The following PWWP2A variants were observed in gnomAD, a reference collection of about 807,000 sequenced individuals.
PWWP2A encodes PWWP domain containing 2A.
In PWWP2A, 18 loss-of-function variants were observed where a neutral mutation model predicts 48.5. The observed-to-expected ratio is 0.37, with a 90% CI of 0.26 to 0.55. PWWP2A has a LOEUF of 0.55. PWWP2A is among the 20% of genes least tolerant of loss of function. The probability of loss-of-function intolerance (pLI) is 0.81; values close to 1 mark genes in which losing one functional copy is unlikely to be tolerated. For synonymous variants in PWWP2A, 396 were observed against 387.7 expected (o/e 1.02, Z -0.25); for missense variants, 867 against 976.4 (o/e 0.89, Z 1.49).
At chr5:160,110,693 C>T (rs192889933) in intron 1 of PWWP2A, among the ~76,000 whole-genome samples, 15 of 151,120 alleles carry the variant, frequency 9.9e-5, no homozygotes, top group Middle Eastern at 3.5e-3. Flanking sequence ...GCAACAAGAG[C>T]GAAACTCCAC....
chr5:160,045,454 CCACACACACACACACACACACACA>C, the PWWP2A span, among the ~76,000 whole-genome samples: 493 of 38,902 alleles, frequency 0.013, 19 homozygotes, highest in African/African-American at 0.047. Flanking sequence ...CCCCCACCCT[CCACACACACACACACACACACACA>C]CACACACACA....
At position 160,091,717 on chromosome 5, in the gene PWWP2A, C is replaced by A. The variant is rs1480189278; in HGVS notation, c.*665G>T. 1.0e-6 allele frequency: 1 copy of A among 985,040 alleles called. No homozygotes were observed. Among genetic ancestry groups the A allele is most frequent in the Non-Finnish European group, 1.2e-6 (1 of 829,806 alleles). The allele number at this position is 985,040 out of a possible 1,614,324, so 61.0% of individuals were successfully genotyped here. A position where few individuals can be genotyped will look rare whatever the true frequency, so the allele number is the denominator to read the frequency against. Reference sequence around the variant, plus strand: ...AAAGACAGTGATGACTAACACCTATCCAGTCTTGACAGTTTTAATCCCAAA... The same window carrying A: ...AAAGACAGTGATGACTAACACCTATACAGTCTTGACAGTTTTAATCCCAAA... On this transcript the variant is annotated 3_prime_UTR_variant, in exon 2 of 2. Coordinates refer to ENST00000307063, the MANE Select transcript of PWWP2A (RefSeq NM_001130864.2).
chr5:160,080,833 T>A (rs1754175576), intron 2 of PWWP2A: 14 of 1,436,660 alleles, frequency 9.7e-6, no homozygotes, highest in Middle Eastern at 3.6e-4. Flanking sequence ...CCATCCATTT[T>A]ACCAAAAAAA....
Position 160,093,713 on chromosome 5 carries a change from T to C in PWWP2A, c.937A>G (p.Ile313Val), listed in dbSNP as rs766525335. The change falls in exon 2 of 2, where the codon ATT becomes GTT. Residue 313 changes from isoleucine to valine, a missense_variant. This residue lies in a region of PWWP2A where 382 missense variants were observed against 407.2 expected (regional missense o/e 0.94). Coordinates refer to ENST00000307063, the MANE Select transcript of PWWP2A (RefSeq NM_001130864.2). The surrounding 1 kb of genome is among the most constrained non-coding windows in gnomAD (Gnocchi z 5.8). ...AGAACTTGCCTGGGTCGTAGTTTAA[T>C]AGCATTCATTATTGAAGTGGGTTCT... ...REEPTSIMNA[I>V]KLRPRQVLCD... 3 of 1,614,094 alleles carry C rather than the reference T, an allele frequency of 1.9e-6. No individual in the cohort carries two copies. The South Asian group carries it at 3.3e-5, about 18-fold the overall frequency.
chr5:160,116,094 T>A (rs1284116026), intron 1 of PWWP2A, among the ~76,000 whole-genome samples: 1 of 152,170 alleles, frequency 6.6e-6, no homozygotes, highest in Non-Finnish European at 1.5e-5. Flanking sequence ...CAGGGTCTCA[T>A]TCTGTCACCC....
intron 1 of PWWP2A, among the ~76,000 whole-genome samples, chr5:160,104,262 G>C (rs1160300847): frequency 6.6e-6 from 1 of 151,896 alleles, no homozygotes; most frequent in Non-Finnish European, 1.5e-5. Flanking sequence ...CACACAGGGA[G>C]ACCCTGCCTC....
intron 2 of PWWP2A, among the ~76,000 whole-genome samples, chr5:160,085,473 C>T (rs1317924906): frequency 6.6e-6 from 1 of 150,826 alleles, no homozygotes; most frequent in African/African-American, 2.4e-5. Flanking sequence ...ACTCAGATTT[C>T]CAAGTCAGTA....
the PWWP2A span, among the ~76,000 whole-genome samples, chr5:160,048,328 T>G: frequency 2.6e-5 from 4 of 151,946 alleles, no homozygotes; most frequent in South Asian, 2.1e-4. Flanking sequence ...ATTTTTGTAT[T>G]TTTAGTAGTG....
chr5:160,045,558 T>TCTCTCC, the PWWP2A span, among the ~76,000 whole-genome samples: 1 of 63,594 alleles, frequency 1.6e-5, no homozygotes, highest in African/African-American at 6.3e-5. Flanking sequence ...TCTCTCCCCC[T>TCTCTCC]CCCCTCTCTC....
chr5:160,081,888 T>C (rs1464533996), intron 2 of PWWP2A, among the ~76,000 whole-genome samples: 4 of 152,218 alleles, frequency 2.6e-5, no homozygotes, highest in Admixed American at 1.3e-4. Context: ...GTCTTTATAA[T>C]TGTTTTTTTA....
downstream of PWWP2A, chr5:160,090,082 A>T: frequency 1.0e-6 from 1 of 985,396 alleles, no homozygotes. Context: ...CGAAGGGGTC[A>T]TTTGGCATAT....
Position 160,092,220 on chromosome 5 carries a change from C to A in PWWP2A, c.*162G>T. ...AATTTGATTATATGTTCAGTTTAAG[C>A]TCTCAGTCTAAAAATGGCTATAAGG... On this transcript the variant is annotated 3_prime_UTR_variant, in exon 2 of 2. Coordinates refer to ENST00000307063, the MANE Select transcript of PWWP2A (RefSeq NM_001130864.2). 7.3e-7 allele frequency: 1 copy of A among 1,368,388 alleles called. No homozygotes were observed. The highest frequency in any genetic ancestry group is 9.4e-7 in the Non-Finnish European group (1 of 1,063,366). The allele number at this position is 1,368,388 out of a possible 1,614,324, so 84.8% of individuals were successfully genotyped here. A position where few individuals can be genotyped will look rare whatever the true frequency, so the allele number is the denominator to read the frequency against.
At chr5:160,049,640 A>G in the PWWP2A span, 12 of 1,586,886 alleles carry the variant, frequency 7.6e-6, no homozygotes, top group Admixed American at 3.8e-5. Flanking sequence ...CCATCAATAC[A>G]TCAAGCAAGA....
Position 160,092,327 on chromosome 5 carries a change from A to G in PWWP2A, c.*55T>C. 1 of 1,472,198 alleles carries G rather than the reference A, an allele frequency of 6.8e-7. No individual in the cohort carries two copies. The highest frequency in any genetic ancestry group is 1.4e-5 in the South Asian group (1 of 70,234). 91.2% of individuals were successfully genotyped at this position (1,472,198 alleles called of 1,614,324 possible). A position where few individuals can be genotyped will look rare whatever the true frequency, so the allele number is the denominator to read the frequency against. On this transcript the variant is annotated 3_prime_UTR_variant, in exon 2 of 2. Coordinates refer to ENST00000307063, the MANE Select transcript of PWWP2A (RefSeq NM_001130864.2). The stretch of plus-strand genomic sequence containing the variant: ...TATTTTGTAGAAATTATTCCTAACT[A>G]GACTAGAAAATCTGTGGTGACTTCC...
At chr5:160,104,043 G>C (rs1186970290) in intron 1 of PWWP2A, among the ~76,000 whole-genome samples, 1 of 146,240 alleles carries the variant, frequency 6.8e-6, no homozygotes, top group Admixed American at 7.1e-5. Flanking sequence ...GTAATGGCGT[G>C]AACCTGGGAG....
chr5:160,111,815 A>G (rs1159022283), intron 1 of PWWP2A, among the ~76,000 whole-genome samples: 3 of 152,188 alleles, frequency 2.0e-5, no homozygotes, highest in Non-Finnish European at 4.4e-5. Context: ...GACGTTGCTA[A>G]TGAGCTCAGA....
chr5:160,057,311 A>C (rs756740951), downstream of PWWP2A, among the ~76,000 whole-genome samples: 12 of 152,214 alleles, frequency 7.9e-5, no homozygotes, highest in Non-Finnish European at 1.3e-4. The surrounding 1 kb of genome is among the most constrained non-coding windows in gnomAD (Gnocchi z 4.4). Flanking sequence ...CCAGCACAAT[A>C]AAGCGAGTCA....
intron 1 of PWWP2A, among the ~76,000 whole-genome samples, chr5:160,099,751 C>T (rs977983276): frequency 1.3e-5 from 2 of 150,942 alleles, no homozygotes; most frequent in Non-Finnish European, 2.9e-5. Context: ...GATTTCAGCT[C>T]ACTGCAACCT....
At chr5:160,073,759 T>G (rs1005373880), downstream of PWWP2A, among the ~76,000 whole-genome samples, 1 of 152,140 alleles carries the variant, frequency 6.6e-6, no homozygotes, top group Non-Finnish European at 1.5e-5. Context: ...AAAGGAATTG[T>G]TAAGGCCATG....
Sources: allele counts gnomAD v4.1 joint callset (sites outside exome capture counted in the v4.1 genomes callset), GRCh38; gene constraint gnomAD v4.1.1; regional missense constraint gnomAD v4.1.1; non-coding constraint Gnocchi (gnomAD v3.1); transcripts MANE v1.5; gene names NCBI Gene and HGNC (gene_info 2026-07-23, HGNC 2026-07-21).